DRAM1: variants seen among roughly 807,000 people sequenced by gnomAD.
DRAM1 encodes DNA damage-regulated autophagy modulator protein 1.
DRAM1 carries 25 observed loss-of-function variants against 28.5 expected under a neutral mutation model. That is an observed-to-expected ratio of 0.88 (90% confidence interval 0.64 to 1.23). The LOEUF (loss-of-function observed/expected upper bound fraction) is 1.23. Ranked by LOEUF, DRAM1 falls within the 50% of genes most tolerant of loss-of-function variation. The probability of loss-of-function intolerance (pLI) is 0.00; values close to 1 mark genes in which losing one functional copy is unlikely to be tolerated. For missense variants in DRAM1, 249 were observed against 299.2 expected (o/e 0.83, Z 1.24); for synonymous variants, 113 against 114.2 (o/e 0.99, Z 0.07).
rs574722379 is a variant in DRAM1 at position 101,895,186 on chromosome 12, G to GTTTTTTT, written c.132-2653_132-2647dup. On this transcript the variant is annotated intron_variant, in intron 1 of 6. Coordinates refer to ENST00000258534, the MANE Select transcript of DRAM1 (RefSeq NM_018370.3). ...TAATGCTAAATTCGAAACCCTTCAGGTTTTTTTTTTTTTTTTTTTTTTTTT... is the reference window on the plus strand; with the variant it reads ...TAATGCTAAATTCGAAACCCTTCAGGTTTTTTTTTTTTTTTTTTTTTTTTTTTTTTTT... Among the ~76,000 whole-genome samples, 65 of 75,728 alleles carry GTTTTTTT rather than the reference G, an allele frequency of 8.6e-4. 4 individuals are homozygous for GTTTTTTT. Among genetic ancestry groups the GTTTTTTT allele is most frequent in the African/African-American group, 3.3e-3 (60 of 18,074 alleles). 49.7% of individuals were successfully genotyped at this position (75,728 alleles called of 152,430 possible).
intron 4 of DRAM1, among the ~76,000 whole-genome samples, chr12:101,913,427 C>T (rs1251981377): frequency 6.6e-6 from 1 of 151,894 alleles, no homozygotes; most frequent in Admixed American, 6.6e-5. Flanking sequence ...TATTTTAGGC[C>T]GGGCACGGTG....
At chr12:101,884,383 A>AAG (rs1446197135) in intron 1 of DRAM1, among the ~76,000 whole-genome samples, 2,304 of 151,384 alleles carry the variant, frequency 0.015, 68 homozygotes, top group African/African-American at 0.053. Context: ...AAAAAAAAAA[A>AAG]AAAAAAAAGA....
chr12:101,904,474 C>CTCTGTCACCCAG (rs1873728443), intron 3 of DRAM1, among the ~76,000 whole-genome samples: 1 of 96,354 alleles, frequency 1.0e-5, no homozygotes, highest in Non-Finnish European at 1.8e-5. Flanking sequence ...CAGAGTCTTG[C>CTCTGTCACCCAG]TCTGTCACCC....
intron 1 of DRAM1, among the ~76,000 whole-genome samples, chr12:101,896,676 G>A (rs1367472227): frequency 1.3e-5 from 2 of 151,990 alleles, no homozygotes; most frequent in African/African-American, 4.8e-5. Flanking sequence ...CCTGAAAAAT[G>A]TTTTACAGAA....
chr12:101,892,402 A>ATTTTTTTTTT (rs748326902), intron 1 of DRAM1, among the ~76,000 whole-genome samples: 81 of 82,632 alleles, frequency 9.8e-4, no homozygotes, highest in African/African-American at 2.2e-3. Flanking sequence ...TGCCAGGCTA[A>ATTTTTTTTTT]TTTTTTTTTT....
chr12:101,922,174 C>T lies in DRAM1; in HGVS notation c.*914C>T, dbSNP rs776693695. ...AGAAGGGGGCAGCCAAGAAGAACTT[C>T]TGGGTTCAGGGTACTGTTTATTTGC... On this transcript the variant is annotated 3_prime_UTR_variant, in exon 7 of 7. Coordinates refer to ENST00000258534, the MANE Select transcript of DRAM1 (RefSeq NM_018370.3). The T allele has an allele frequency of 6.6e-6, 1 of 152,266 alleles. No homozygotes were observed. The highest frequency in any genetic ancestry group is 1.5e-5 in the Non-Finnish European group (1 of 68,056). 9.4% of individuals were successfully genotyped at this position (152,266 alleles called of 1,614,324 possible).
intron 1 of DRAM1, among the ~76,000 whole-genome samples, chr12:101,888,786 A>ATTTTT (rs34825466): frequency 7.4e-5 from 8 of 107,944 alleles, no homozygotes; most frequent in Non-Finnish European, 1.2e-4. Context: ...AAACATCTCA[A>ATTTTT]TTTTTTTTTT....
chr12:101,886,946 T>A (rs560030338), intron 1 of DRAM1, among the ~76,000 whole-genome samples: 1 of 152,164 alleles, frequency 6.6e-6, no homozygotes, highest in South Asian at 2.1e-4. Flanking sequence ...AGGAGTTCAA[T>A]ACCAGCCTGG....
chr12:101,879,277 T>G (rs1410509226), intron 1 of DRAM1, among the ~76,000 whole-genome samples: 2 of 152,084 alleles, frequency 1.3e-5, no homozygotes, highest in African/African-American at 4.8e-5. Flanking sequence ...GGATTACAGG[T>G]GTGAGCCAGT....
chr12:101,892,420 TTTTTTGTA>T (rs1350595584), intron 1 of DRAM1, among the ~76,000 whole-genome samples: 2 of 83,234 alleles, frequency 2.4e-5, no homozygotes, highest in Non-Finnish European at 4.2e-5. Context: ...TTTTTTTTTT[TTTTTTGTA>T]TTTTTAGTAG....
intron 1 of DRAM1, among the ~76,000 whole-genome samples, chr12:101,884,467 A>G (rs1872810385): frequency 6.6e-6 from 1 of 151,792 alleles, no homozygotes; most frequent in African/African-American, 2.4e-5. Context: ...CAAATTATTA[A>G]CTTTTTCCAG....
At chr12:101,880,226 AT>A (rs552020829) in intron 1 of DRAM1, among the ~76,000 whole-genome samples, 4 of 129,268 alleles carry the variant, frequency 3.1e-5, no homozygotes, top group South Asian at 2.4e-4. Flanking sequence ...CTAATTTTTA[AT>A]TTTTTTTTGT....
chr12:101,891,835 G>A (rs4764657), intron 1 of DRAM1, among the ~76,000 whole-genome samples: 96,987 of 152,100 alleles, frequency 0.64, 32,539 homozygotes, highest in East Asian at 0.91. Context: ...GATGTGGTAG[G>A]AGCTGGGTAG....
chr12:101,894,791 T>G (rs1343738629), intron 1 of DRAM1, among the ~76,000 whole-genome samples: 1 of 152,160 alleles, frequency 6.6e-6, no homozygotes, highest in East Asian at 1.9e-4. Context: ...ATTCTTTCAT[T>G]GCCTTCCCTT....
intron 4 of DRAM1, among the ~76,000 whole-genome samples, chr12:101,912,014 C>T (rs1190088568): frequency 5.9e-5 from 9 of 152,062 alleles, no homozygotes; most frequent in Non-Finnish European, 1.0e-4. Context: ...GCCTGGCTAA[C>T]GTGGTGAAAC....
At chr12:101,919,633 CA>C (rs1874398162) in intron 5 of DRAM1, among the ~76,000 whole-genome samples, 4 of 152,164 alleles carry the variant, frequency 2.6e-5, no homozygotes, top group Admixed American at 2.6e-4. Context: ...TCTATATAAA[CA>C]GGGAAACACG....
intron 1 of DRAM1, among the ~76,000 whole-genome samples, chr12:101,896,471 T>C (rs1594299290): frequency 6.6e-6 from 1 of 152,066 alleles, no homozygotes; most frequent in East Asian, 1.9e-4. Flanking sequence ...TAATAGAAAA[T>C]AGAACATGTT....
intron 1 of DRAM1, among the ~76,000 whole-genome samples, chr12:101,885,271 C>T (rs752169553): frequency 2.6e-4 from 40 of 152,308 alleles, no homozygotes; most frequent in Middle Eastern, 6.8e-3. Flanking sequence ...TTTCATTTCA[C>T]ATTTAACTTT....
chr12:101,902,994 C>G (rs886088010), intron 3 of DRAM1, among the ~76,000 whole-genome samples: 1 of 151,416 alleles, frequency 6.6e-6, no homozygotes, highest in South Asian at 2.1e-4. Context: ...GATCTCGGTT[C>G]ACTGCAACCT....
Sources: gnomAD v4.1 joint callset for allele counts (sites outside exome capture counted in the v4.1 genomes callset) on GRCh38, gnomAD v4.1.1 for gene constraint, MANE v1.5 for transcripts, NCBI Gene and HGNC (gene_info 2026-07-23, HGNC 2026-07-21) for gene names.